The following ZNF891 variants were observed in gnomAD, a reference collection of about 807,000 sequenced individuals.
ZNF891 encodes hCG1646157.
For synonymous variants in ZNF891, 199 were observed against 209.0 expected, an observed-to-expected ratio of 0.95 and a Z score of 0.41; for missense variants, 589 against 632.7, an observed-to-expected ratio of 0.93 and a Z score of 0.74.
Position 133,118,769 on chromosome 12 carries a change from T to G in ZNF891, c.*1515A>C, listed in dbSNP as rs897283845. On this transcript the variant is annotated 3_prime_UTR_variant, in exon 2 of 2. Transcript: ENST00000537226. The stretch of plus-strand genomic sequence containing the variant: ...TCTTGGTTCTATCTTCATCTGCTGC[T>G]TAAGCATAAAAGCTCGGTCAACATT... 3 of 152,264 alleles carry G rather than the reference T, an allele frequency of 2.0e-5. No individual in the cohort carries two copies. The highest frequency in any genetic ancestry group is 2.4e-5 in the African/African-American group (1 of 41,466). 9.4% of individuals were successfully genotyped at this position (152,264 alleles called of 1,614,324 possible).
rs1213946608 is a variant in ZNF891 at position 133,105,574 on chromosome 12, C to A, written c.*14710G>T. On this transcript the variant is annotated 3_prime_UTR_variant, in exon 2 of 2. Transcript: ENST00000537226. Reference sequence around the variant, plus strand: ...AAAATGTCATTTATGATGACTCATCCCAGTATTTGATCATGGAAAGAATTC... The same window carrying A: ...AAAATGTCATTTATGATGACTCATCACAGTATTTGATCATGGAAAGAATTC... 1.2e-6 allele frequency: 2 copies of A among 1,613,860 alleles called. No individual in the cohort carries two copies. Among genetic ancestry groups the A allele is most frequent in the Non-Finnish European group, 1.7e-6 (2 of 1,179,994 alleles).
At chr12:133,128,931 T>C (rs1480880067) in intron 1 of ZNF891, among the ~76,000 whole-genome samples, 15 of 151,726 alleles carry the variant, frequency 9.9e-5, no homozygotes, top group African/African-American at 3.6e-4. Flanking sequence ...CAAATCTACA[T>C]TTTTGAAAAG....
chr12:133,120,795 G>A lies in ZNF891; in HGVS notation c.1124C>T (p.Pro375Leu), dbSNP rs907164629. 2.0e-5 allele frequency: 31 copies of A among 1,570,318 alleles called. 1 individual carries two copies. The highest frequency in any genetic ancestry group is 2.4e-5 in the Non-Finnish European group (28 of 1,158,774). ...RHVRTHTGEKPYECNQCGKAF... is the reference protein window; with the variant it reads ...RHVRTHTGEKLYECNQCGKAF... ...TTTTCCACATTGATTACATTCATAG[G>A]GTTTCTCTCCAGTGTGAGTTCTTAC... The change falls in exon 2 of 2, where the codon CCC (proline) becomes CTC (leucine). Residue 375 changes from proline (P) to leucine (L), a missense_variant. By Grantham distance (98) the Pro-to-Leu change is moderately conservative. Transcript: ENST00000537226.
At position 133,120,025 on chromosome 12, in the gene ZNF891, T is replaced by C; in HGVS notation, c.*259A>G. On this transcript the variant is annotated 3_prime_UTR_variant, in exon 2 of 2. Coordinates refer to ENST00000537226, the MANE Select transcript of ZNF891 (RefSeq NM_001277291.2). Reference sequence around the variant, plus strand: ...ACAAAGCAGTAAAATATAGTCCAGATTCTCTGAACACAATGGAATTAACCT... The same window carrying C: ...ACAAAGCAGTAAAATATAGTCCAGACTCTCTGAACACAATGGAATTAACCT... The C allele has an allele frequency of 6.3e-6, 2 of 318,402 alleles. No individual in the cohort carries two copies. The highest frequency in any genetic ancestry group is 1.1e-5 in the Non-Finnish European group (2 of 174,180). The allele number at this position is 318,402 out of a possible 1,614,324, so 19.7% of individuals were successfully genotyped here.
intron 1 of ZNF891, among the ~76,000 whole-genome samples, chr12:133,123,202 T>G (rs991891607): frequency 1.3e-5 from 2 of 152,196 alleles, no homozygotes; most frequent in Non-Finnish European, 2.9e-5. Flanking sequence ...GTAGTCTATG[T>G]CCCTAAACCA....
At chr12:133,122,816 TTCTA>T (rs1369428515) in intron 1 of ZNF891, among the ~76,000 whole-genome samples, 3 of 152,218 alleles carry the variant, frequency 2.0e-5, no homozygotes, top group Admixed American at 6.5e-5. Flanking sequence ...TGATAATTTA[TTCTA>T]TCTAACACTT....
rs1393047216 is a variant in ZNF891, at chr12:133,110,206, A to G, written c.*10078T>C. ...GATTATAAAATACACCGAAGTAAATAGCACGACAATAGCACAAGAAAGGAG... is the reference window on the plus strand; with the variant it reads ...GATTATAAAATACACCGAAGTAAATGGCACGACAATAGCACAAGAAAGGAG... On this transcript the variant is annotated 3_prime_UTR_variant, in exon 2 of 2. Transcript: ENST00000537226. 1 of 152,260 alleles carries G rather than the reference A, an allele frequency of 6.6e-6. No homozygotes were observed. Among genetic ancestry groups the G allele is most frequent in the East Asian group, 1.9e-4 (1 of 5,200 alleles). The allele number at this position is 152,260 out of a possible 1,614,324, so 9.4% of individuals were successfully genotyped here. A position where few individuals can be genotyped will look rare whatever the true frequency, so the allele number is the denominator to read the frequency against.
intron 1 of ZNF891, among the ~76,000 whole-genome samples, chr12:133,123,302 A>G (rs1386511799): frequency 6.6e-6 from 1 of 152,216 alleles, no homozygotes; most frequent in East Asian, 1.9e-4. Flanking sequence ...AGTACCTAGA[A>G]GAGTCCTCAG....
intron 1 of ZNF891, among the ~76,000 whole-genome samples, chr12:133,123,567 C>T (rs1308058106): frequency 1.3e-5 from 2 of 151,900 alleles, no homozygotes; most frequent in East Asian, 3.9e-4. Flanking sequence ...TATTAGCCAA[C>T]CATGGTGGCA....
chr12:133,112,203 G>GTTCTATTTAGAAAGCTCTTCCTC lies in ZNF891; in HGVS notation c.*8058_*8080dup, dbSNP rs1955686508. The GTTCTATTTAGAAAGCTCTTCCTC allele has an allele frequency of 6.9e-6, 1 of 145,186 alleles. No individual in the cohort carries two copies. Among genetic ancestry groups the GTTCTATTTAGAAAGCTCTTCCTC allele is most frequent in the East Asian group, 1.9e-4 (1 of 5,142 alleles). The allele number at this position is 145,186 out of a possible 1,614,324, so 9.0% of individuals were successfully genotyped here. A position where few individuals can be genotyped will look rare whatever the true frequency, so the allele number is the denominator to read the frequency against. Reference sequence around the variant, plus strand: ...CCTGATGAGTCTTTTTGCTCTTGCTGTTCTATTTAGAAAGCTCTTCCTCTG... The same window carrying GTTCTATTTAGAAAGCTCTTCCTC: ...CCTGATGAGTCTTTTTGCTCTTGCTGTTCTATTTAGAAAGCTCTTCCTCTTCTATTTAGAAAGCTCTTCCTCTG... On this transcript the variant is annotated 3_prime_UTR_variant, in exon 2 of 2. Transcript: ENST00000537226.
At position 133,109,796 on chromosome 12, in the gene ZNF891, C is replaced by A. The variant is rs990495856; in HGVS notation, c.*10488G>T. The A allele has an allele frequency of 1.3e-5, 2 of 152,122 alleles. No homozygotes were observed. The highest frequency in any genetic ancestry group is 2.9e-5 in the Non-Finnish European group (2 of 68,016). 9.4% of individuals were successfully genotyped at this position (152,122 alleles called of 1,614,324 possible). Reference sequence around the variant, plus strand: ...GGTAAATATGTTGATAAATACAAGTCAGGTGTTGGGAAATTATGGTCTATG... The same window carrying A: ...GGTAAATATGTTGATAAATACAAGTAAGGTGTTGGGAAATTATGGTCTATG... On this transcript the variant is annotated 3_prime_UTR_variant, in exon 2 of 2. Transcript: ENST00000537226.
In ZNF891 at chr12:133,106,797, G is replaced by A; in HGVS notation, c.*13487C>T. The A allele has an allele frequency of 4.6e-6, 3 of 645,742 alleles. No individual in the cohort carries two copies. Among genetic ancestry groups the A allele is most frequent in the African/African-American group, 1.9e-5 (1 of 52,768 alleles). 40.0% of individuals were successfully genotyped at this position (645,742 alleles called of 1,614,324 possible). ...GGCCCACACTTTATTCACCACCCTG[G>A]AGAAAAAAAAACCCAGGAATATGTG... On this transcript the variant is annotated 3_prime_UTR_variant, in exon 2 of 2. Transcript: ENST00000537226.
rs1164350588 is a variant in ZNF891 at position 133,113,082 on chromosome 12, ATATT to A, written c.*7198_*7201del. The A allele has an allele frequency of 1.2e-4, 17 of 147,612 alleles. No homozygotes were observed. The highest frequency in any genetic ancestry group is 4.5e-5 in the Non-Finnish European group (3 of 66,944). The allele number at this position is 147,612 out of a possible 1,614,324, so 9.1% of individuals were successfully genotyped here. A position where few individuals can be genotyped will look rare whatever the true frequency, so the allele number is the denominator to read the frequency against. The stretch of plus-strand genomic sequence containing the variant: ...TCAAAAAATATATATATATATATTT[ATATT>A]TATTTATTAAAAATATATTTATAAA... On this transcript the variant is annotated 3_prime_UTR_variant, in exon 2 of 2. Transcript: ENST00000537226.
In ZNF891 at chr12:133,113,983, G is replaced by T. The variant is rs1053713155; in HGVS notation, c.*6301C>A. On this transcript the variant is annotated 3_prime_UTR_variant, in exon 2 of 2. Transcript: ENST00000537226. The stretch of plus-strand genomic sequence containing the variant: ...TCTACTCACCTCAGCCTCTCAAAGT[G>T]CTGGGATTACAGATGTGAGCCACCA... 6.6e-6 allele frequency: 1 copy of T among 152,020 alleles called. No homozygotes were observed. The highest frequency in any genetic ancestry group is 1.5e-5 in the Non-Finnish European group (1 of 68,028). 9.4% of individuals were successfully genotyped at this position (152,020 alleles called of 1,614,324 possible).
Position 133,105,133 on chromosome 12 carries a change from CA to C in ZNF891, c.*15150del, listed in dbSNP as rs2137587830. Reference sequence around the variant, plus strand: ...GTGAACAGAATCTAATGTCTTTGTGCAATCTGACGAACACTTAGTGTTTAGT... The same window carrying C: ...GTGAACAGAATCTAATGTCTTTGTGCATCTGACGAACACTTAGTGTTTAGT... On this transcript the variant is annotated 3_prime_UTR_variant, in exon 2 of 2. Coordinates refer to ENST00000537226, the MANE Select transcript of ZNF891 (RefSeq NM_001277291.2). Among the ~76,000 whole-genome samples the C allele has an allele frequency of 6.6e-6, 1 of 152,196 alleles. No individual in the cohort carries two copies. Among genetic ancestry groups the C allele is most frequent in the African/African-American group, 2.4e-5 (1 of 41,502 alleles).
rs2137600069 is a variant in ZNF891 at position 133,106,822 on chromosome 12, G to A, written c.*13462C>T. On this transcript the variant is annotated 3_prime_UTR_variant, in exon 2 of 2. Coordinates refer to ENST00000537226, the MANE Select transcript of ZNF891 (RefSeq NM_001277291.2). ...GAGAAAAAAAAACCCAGGAATATGTGGAAAAGCCATTAATAACCACTCTTT... is the reference window on the plus strand; with the variant it reads ...GAGAAAAAAAAACCCAGGAATATGTAGAAAAGCCATTAATAACCACTCTTT... 1 of 515,890 alleles carries A rather than the reference G, an allele frequency of 1.9e-6. No individual in the cohort carries two copies. The highest frequency in any genetic ancestry group is 3.2e-6 in the Non-Finnish European group (1 of 312,302). 32.0% of individuals were successfully genotyped at this position (515,890 alleles called of 1,614,324 possible).
chr12:133,123,735 AAAC>A lies in ZNF891; in HGVS notation c.-106-1714_-106-1712del, dbSNP rs796534378. Among the ~76,000 whole-genome samples the A allele has an allele frequency of 3.0e-3, 400 of 132,990 alleles. 10 individuals carry two copies. In the East Asian group the frequency reaches 0.059, roughly 20 times the overall value. The allele number at this position is 132,990 out of a possible 152,430, so 87.2% of individuals were successfully genotyped here. On this transcript the variant is annotated intron_variant, in intron 1 of 1. Transcript: ENST00000537226. ...AAAAAAAAAAAACAAAAACACACACAAACAACAACAACAACAACAACAACAAAG... is the reference window on the plus strand; with the variant it reads ...AAAAAAAAAAAACAAAAACACACACAAACAACAACAACAACAACAACAAAG...
rs773164219 is a variant in ZNF891 at position 133,106,126 on chromosome 12, C to T, written c.*14158G>A. On this transcript the variant is annotated 3_prime_UTR_variant, in exon 2 of 2. Coordinates refer to ENST00000537226, the MANE Select transcript of ZNF891 (RefSeq NM_001277291.2). ...GTAGGAAATGTGGTAAAGCATTTAG[C>T]AGTGGCTCAGAACTCATTCGCCACC... 7.4e-6 allele frequency: 12 copies of T among 1,613,996 alleles called. No individual in the cohort carries two copies. The highest frequency in any genetic ancestry group is 1.3e-5 in the African/African-American group (1 of 74,918).
At position 133,118,472 on chromosome 12, in the gene ZNF891, C is replaced by T. The variant is rs1955728278; in HGVS notation, c.*1812G>A. On this transcript the variant is annotated 3_prime_UTR_variant, in exon 2 of 2. Transcript: ENST00000537226. Reference sequence around the variant, plus strand: ...CCTCCTCAATTCTAGAATTGCGTACCAACCTCTTCATCTGGATGTCTCACC... The same window carrying T: ...CCTCCTCAATTCTAGAATTGCGTACTAACCTCTTCATCTGGATGTCTCACC... 6.6e-6 allele frequency: 1 copy of T among 152,112 alleles called. No individual in the cohort carries two copies. The highest frequency in any genetic ancestry group is 1.5e-5 in the Non-Finnish European group (1 of 68,012). The allele number at this position is 152,112 out of a possible 1,614,324, so 9.4% of individuals were successfully genotyped here. A position where few individuals can be genotyped will look rare whatever the true frequency, so the allele number is the denominator to read the frequency against.
Sources: allele counts gnomAD v4.1 joint callset (sites outside exome capture counted in the v4.1 genomes callset), GRCh38; gene constraint gnomAD v4.1.1; transcripts MANE v1.5; gene names NCBI Gene and HGNC (gene_info 2026-07-23, HGNC 2026-07-21).